CACNA1C: variants seen among roughly 807,000 people sequenced by gnomAD.
CACNA1C encodes the protein voltage-dependent L-type calcium channel subunit alpha-1C.
CACNA1C carries 30 observed loss-of-function variants against 229.0 expected under a neutral mutation model. The observed-to-expected ratio is 0.13, with a 90% CI of 0.10 to 0.18. The LOEUF is 0.18. Among genes scored for constraint, CACNA1C ranks in the 10% least tolerant of loss-of-function variants. CACNA1C has a pLI of 1.00. For missense variants in CACNA1C, 1,658 were observed against 2,845.0 expected (o/e 0.58, Z 9.49); for synonymous variants, 1,114 against 1,132.5 (o/e 0.98, Z 0.33).
At chr12:2,330,768 C>A (rs1163110078) in intron 3 of CACNA1C, among the ~76,000 whole-genome samples, 2 of 152,192 alleles carry the variant, frequency 1.3e-5, no homozygotes, top group Non-Finnish European at 2.9e-5. Context: ...GGTGCTAGGA[C>A]AATTGGTTAG....
intron 3 of CACNA1C, among the ~76,000 whole-genome samples, chr12:2,249,772 C>CT (rs369050599): frequency 0.37 from 51,581 of 138,736 alleles, 10,091 homozygotes; most frequent in African/African-American, 0.41. Context: ...TGCCTTCTCT[C>CT]TTTTTTTTTT....
chr12:2,530,139 A>G (rs1453156207), intron 9 of CACNA1C, among the ~76,000 whole-genome samples: 1 of 152,260 alleles, frequency 6.6e-6, no homozygotes, highest in East Asian at 1.9e-4. Context: ...TAATAAATAG[A>G]GAACAGCATC....
chr12:1,992,749 A>G (rs548376356), intron 1 of CACNA1C: 95 of 188,170 alleles, frequency 5.0e-4, no homozygotes, highest in Non-Finnish European at 8.2e-4. Flanking sequence ...AAGGGTTATT[A>G]AATTCTTAAT....
chr12:1,999,415 T>G (rs1227041696), intron 1 of CACNA1C, among the ~76,000 whole-genome samples: 1 of 152,232 alleles, frequency 6.6e-6, no homozygotes, highest in African/African-American at 2.4e-5. Flanking sequence ...TATGAAATTA[T>G]AAATAAAGAA....
At chr12:2,245,850 C>T (rs959141920) in intron 3 of CACNA1C, among the ~76,000 whole-genome samples, 4 of 152,182 alleles carry the variant, frequency 2.6e-5, no homozygotes, top group Non-Finnish European at 5.9e-5. Flanking sequence ...CCCTGCTGTG[C>T]TATTACATAC....
At chr12:2,098,042 C>A (rs934313543) in intron 1 of CACNA1C, among the ~76,000 whole-genome samples, 1 of 152,128 alleles carries the variant, frequency 6.6e-6, no homozygotes, top group East Asian at 1.9e-4. Context: ...AGAGAAGGAA[C>A]GTGATTTGTC....
rs2066884297 is a variant in CACNA1C, at chr12:2,235,208, A to G, written c.477+114778A>G. Among the ~76,000 whole-genome samples the G allele has an allele frequency of 2.0e-5, 3 of 152,306 alleles. No individual in the cohort carries two copies. The South Asian group carries it at 6.2e-4, about 32-fold the overall frequency. On this transcript the variant is annotated intron_variant, in intron 3 of 46. Transcript: ENST00000399655. ...ACACTGTCTGTGGTACAGGGGGGCC[A>G]TTCTTCCTCCCTTTCCATTTCTTCT...
chr12:2,233,116 T>G (rs2065957776), intron 3 of CACNA1C, among the ~76,000 whole-genome samples: 2 of 152,182 alleles, frequency 1.3e-5, no homozygotes, highest in South Asian at 4.1e-4. Context: ...AGCTTGTGTT[T>G]ATATGGAGAC....
chr12:2,257,435 A>G (rs763354877), intron 3 of CACNA1C, among the ~76,000 whole-genome samples: 6 of 152,180 alleles, frequency 3.9e-5, no homozygotes, highest in Non-Finnish European at 8.8e-5. Context: ...AAATTGTTCC[A>G]CTTCAGATCA....
intron 3 of CACNA1C, among the ~76,000 whole-genome samples, chr12:2,438,955 G>A (rs1269324577): frequency 1.3e-5 from 2 of 152,134 alleles, no homozygotes; most frequent in South Asian, 2.1e-4. Flanking sequence ...TTACATGCTA[G>A]CCCACAGGTC....
At chr12:2,394,242 C>G (rs980726192) in intron 3 of CACNA1C, among the ~76,000 whole-genome samples, 1 of 152,262 alleles carries the variant, frequency 6.6e-6, no homozygotes, top group African/African-American at 2.4e-5. Flanking sequence ...CCTCCTACTC[C>G]TGATGTGGCT....
At chr12:2,166,508 C>A (rs964401066) in intron 3 of CACNA1C, among the ~76,000 whole-genome samples, 2 of 152,204 alleles carry the variant, frequency 1.3e-5, no homozygotes, top group African/African-American at 4.8e-5. Flanking sequence ...CAATGAGGAA[C>A]AATGGGCTTC....
chr12:2,191,965 C>T (rs1313392627), intron 3 of CACNA1C, among the ~76,000 whole-genome samples: 1 of 152,086 alleles, frequency 6.6e-6, no homozygotes, highest in East Asian at 1.9e-4. Flanking sequence ...CACATGTACT[C>T]ACAGGCACAC....
At chr12:2,659,954 C>T (rs911098925) in intron 34 of CACNA1C, 1 of 200,206 alleles carries the variant, frequency 5.0e-6, no homozygotes, top group Non-Finnish European at 1.1e-5. Flanking sequence ...AGAAAGTCTC[C>T]TTCCCAGCCA....
chr12:2,431,209 G>A lies in CACNA1C; in HGVS notation c.478-17767G>A, dbSNP rs145409187. 4.9e-3 allele frequency among the ~76,000 whole-genome samples: 753 copies of A among 152,292 alleles called. 6 individuals carry two copies. Among genetic ancestry groups the A allele is most frequent in the African/African-American group, 0.016 (674 of 41,552 alleles). ...TCCCCAGGATCTTCTGACCTAGCAGGTCTGGAGTGGGGGCCAGGAGGCTGC... is the reference window on the plus strand; with the variant it reads ...TCCCCAGGATCTTCTGACCTAGCAGATCTGGAGTGGGGGCCAGGAGGCTGC... On this transcript the variant is annotated intron_variant, in intron 3 of 46. Transcript: ENST00000399655.
intron 3 of CACNA1C, among the ~76,000 whole-genome samples, chr12:2,186,921 C>T (rs947173870): frequency 1.2e-4 from 19 of 152,092 alleles, no homozygotes; most frequent in African/African-American, 4.6e-4. Context: ...TGCTTGCCTT[C>T]CTGGTGCTGC....
intron 3 of CACNA1C, among the ~76,000 whole-genome samples, chr12:2,177,531 T>C (rs1220193925): frequency 7.0e-6 from 1 of 141,854 alleles, no homozygotes; most frequent in Non-Finnish European, 1.5e-5. Context: ...CTTCCTCTCC[T>C]CTCCCTTCCC....
At chr12:2,372,421 A>G (rs981856778) in intron 3 of CACNA1C, among the ~76,000 whole-genome samples, 5 of 152,160 alleles carry the variant, frequency 3.3e-5, no homozygotes, top group African/African-American at 9.7e-5. Flanking sequence ...TCTGGTTCCT[A>G]TAGCAACATC....
At chr12:2,135,667 C>T (rs2093315317) in intron 3 of CACNA1C, among the ~76,000 whole-genome samples, 1 of 143,922 alleles carries the variant, frequency 6.9e-6, no homozygotes, top group Non-Finnish European at 1.5e-5. Context: ...TGCCCGTTCT[C>T]AGATCTCCAG....
Sources: allele counts gnomAD v4.1 joint callset (sites outside exome capture counted in the v4.1 genomes callset), GRCh38; gene constraint gnomAD v4.1.1; transcripts MANE v1.5; gene names NCBI Gene and HGNC (gene_info 2026-07-23, HGNC 2026-07-21).